The following SAMMSON variants were observed in gnomAD, a reference collection of about 807,000 sequenced individuals.
SAMMSON encodes long intergenic non-protein coding RNA 1212.
At chr3:70,144,870 G>C (rs1411976463) in intron 4 of SAMMSON, among the ~76,000 whole-genome samples, 1 of 152,130 alleles carries the variant, frequency 6.6e-6, no homozygotes, top group African/African-American at 2.4e-5. Context: ...ATGTGGAACT[G>C]TAAGTCCAAT....
chr3:70,121,783 A>G (rs368128093), intron 4 of SAMMSON, among the ~76,000 whole-genome samples: 1 of 152,154 alleles, frequency 6.6e-6, no homozygotes, highest in Non-Finnish European at 1.5e-5. Flanking sequence ...CAGGGCAGGG[A>G]CAAAGACTGG....
chr3:70,340,480 T>C (rs1050594468), intron 7 of SAMMSON, among the ~76,000 whole-genome samples: 1 of 152,030 alleles, frequency 6.6e-6, no homozygotes, highest in African/African-American at 2.4e-5. Context: ...TTTTGGAAGG[T>C]TCCTACTACC....
At chr3:70,414,146 TG>T (rs1190925885) in intron 2 of SAMMSON, among the ~76,000 whole-genome samples, 5 of 152,242 alleles carry the variant, frequency 3.3e-5, no homozygotes, top group Admixed American at 2.0e-4. Context: ...TTAAGCAGTT[TG>T]TAAAGTCTTG....
intron 6 of SAMMSON, among the ~76,000 whole-genome samples, chr3:70,277,205 G>A (rs1262760129): frequency 2.0e-5 from 3 of 152,102 alleles, no homozygotes; most frequent in Non-Finnish European, 2.9e-5. Context: ...AACATAGCCC[G>A]TATCTCCAGC....
intron 4 of SAMMSON, among the ~76,000 whole-genome samples, chr3:70,246,640 T>C (rs1215128070): frequency 6.6e-6 from 1 of 152,102 alleles, no homozygotes; most frequent in Admixed American, 6.6e-5. Flanking sequence ...TAAGGGGTTG[T>C]TGACAACAAC....
chr3:70,168,215 C>T (rs2067645697), intron 4 of SAMMSON, among the ~76,000 whole-genome samples: 1 of 124,208 alleles, frequency 8.1e-6, no homozygotes, highest in Admixed American at 8.3e-5. Context: ...AGGCTAGTGA[C>T]CTTCAGTATT....
At chr3:70,329,303 C>T (rs1013343951) in intron 7 of SAMMSON, among the ~76,000 whole-genome samples, 1 of 151,980 alleles carries the variant, frequency 6.6e-6, no homozygotes, top group Non-Finnish European at 1.5e-5. Context: ...TCTTTAAATT[C>T]CAAAAACTCT....
chr3:70,375,507 T>C (rs1237275444), intron 9 of SAMMSON, among the ~76,000 whole-genome samples: 1 of 152,026 alleles, frequency 6.6e-6, no homozygotes, highest in Non-Finnish European at 1.5e-5. Context: ...TTTGCAGATT[T>C]GTGATGGTGT....
intron 4 of SAMMSON, among the ~76,000 whole-genome samples, chr3:70,220,589 T>C (rs1344590675): frequency 6.6e-6 from 1 of 152,146 alleles, no homozygotes; most frequent in Non-Finnish European, 1.5e-5. Context: ...GTTGGAAACA[T>C]AGTCAGGACC....
chr3:70,020,745 T>C (rs575105771), intron 3 of SAMMSON, among the ~76,000 whole-genome samples: 58 of 152,318 alleles, frequency 3.8e-4, no homozygotes, highest in Admixed American at 1.0e-3. Flanking sequence ...CAGTAGCAGC[T>C]ACTGTTGATC....
chr3:70,248,568 G>A (rs1019266487), intron 4 of SAMMSON, among the ~76,000 whole-genome samples: 3 of 152,048 alleles, frequency 2.0e-5, no homozygotes, highest in Admixed American at 2.0e-4. Flanking sequence ...GTCAAATTTA[G>A]AAAGAGAATG....
chr3:70,086,050 C>CA (rs1192058428), intron 4 of SAMMSON, among the ~76,000 whole-genome samples: 2 of 152,176 alleles, frequency 1.3e-5, no homozygotes, highest in Non-Finnish European at 2.9e-5. Flanking sequence ...TTATCACAGT[C>CA]ACTGTATTAT....
chr3:70,367,958 TG>T (rs1355954601), intron 9 of SAMMSON, among the ~76,000 whole-genome samples: 1 of 150,870 alleles, frequency 6.6e-6, no homozygotes, highest in African/African-American at 2.4e-5. Context: ...ATTTTAAAAT[TG>T]GGTTTTTTTT....
At chr3:70,339,404 G>A (rs1228545014) in intron 7 of SAMMSON, among the ~76,000 whole-genome samples, 1 of 152,064 alleles carries the variant, frequency 6.6e-6, no homozygotes, top group African/African-American at 2.4e-5. Context: ...TTGACAAATG[G>A]GATCTAATTA....
chr3:70,039,155 C>T (rs2067096971), intron 3 of SAMMSON, among the ~76,000 whole-genome samples: 1 of 152,134 alleles, frequency 6.6e-6, no homozygotes, highest in South Asian at 2.1e-4. Context: ...CTAAACTGCA[C>T]CACTGAGTAC....
At chr3:70,323,682 T>C (rs1341728314) in intron 7 of SAMMSON, among the ~76,000 whole-genome samples, 2 of 152,150 alleles carry the variant, frequency 1.3e-5, no homozygotes, top group Non-Finnish European at 2.9e-5. Context: ...AGCTGCTATA[T>C]TGTTTTATTA....
At chr3:70,234,014 A>C (rs1471697235) in intron 4 of SAMMSON, among the ~76,000 whole-genome samples, 1 of 152,190 alleles carries the variant, frequency 6.6e-6, no homozygotes, top group Non-Finnish European at 1.5e-5. Flanking sequence ...ATGCTGAGTC[A>C]TGTGATAGGT....
chr3:70,398,749 A>G (rs1447198661), intron 2 of SAMMSON, among the ~76,000 whole-genome samples: 1 of 152,208 alleles, frequency 6.6e-6, no homozygotes, highest in Admixed American at 6.5e-5. Flanking sequence ...TGTGGTAGAA[A>G]ATGTAAATGC....
intron 2 of SAMMSON, among the ~76,000 whole-genome samples, chr3:70,434,295 T>C (rs1310020766): frequency 6.6e-6 from 1 of 152,220 alleles, no homozygotes; most frequent in African/African-American, 2.4e-5. Context: ...AGCTCTTTTT[T>C]ATTTCCTTCA....
Sources: gnomAD v4.1 joint callset for allele counts (sites outside exome capture counted in the v4.1 genomes callset) on GRCh38, gnomAD v4.1.1 for gene constraint, MANE v1.5 for transcripts, NCBI Gene and HGNC (gene_info 2026-07-23, HGNC 2026-07-21) for gene names.